The following TNFAIP1 variants were observed in gnomAD, a reference collection of about 807,000 sequenced individuals.
TNFAIP1 encodes TNF alpha induced protein 1.
Under a neutral mutation model 32.6 loss-of-function variants are expected in TNFAIP1, and 20 were observed. The ratio of observed to expected loss-of-function variants is 0.61; its 90% CI spans 0.43 to 0.89. TNFAIP1 has a LOEUF of 0.89. Ranked by LOEUF, TNFAIP1 falls within the 40% of genes least tolerant of loss-of-function variation. The pLI, the probability that TNFAIP1 is intolerant of heterozygous loss-of-function variation, is 0.00. For synonymous variants in TNFAIP1, 166 were observed against 166.8 expected (o/e 1.00, Z 0.04); for missense variants, 319 against 425.1 (o/e 0.75, Z 2.20).
chr17:28,342,450 G>A lies in TNFAIP1; in HGVS notation c.714+8G>A, dbSNP rs576440185. On this transcript the variant is annotated splice_region_variant and intron_variant, in intron 6 of 6. Transcript: ENST00000226225. This position sits in a 1 kb window ranked among gnomAD's most constrained non-coding sequence, Gnocchi z 4.0. ...GAGAAGAAGCAGACCAAGGTGTGGG[G>A]GATTGCCCCTGCCTGGGTAGGGGAG... 2 of 1,575,472 alleles carry A rather than the reference G, an allele frequency of 1.3e-6. No individual in the cohort carries two copies. The highest frequency in any genetic ancestry group is 1.7e-6 in the Non-Finnish European group (2 of 1,148,942).
intron 3 of TNFAIP1, 71 bp from the exon 4 acceptor site, chr17:28,341,166 C>T (rs1386711817): frequency 3.2e-6 from 5 of 1,554,580 alleles, no homozygotes; most frequent in East Asian, 2.2e-5. Flanking sequence ...CAGAGGGGCT[C>T]CAGAGGTATA....
intron 1 of TNFAIP1, 81 bp downstream of exon 1, chr17:28,335,937 G>C (rs1478928898): frequency 6.6e-6 from 1 of 152,200 alleles, no homozygotes; most frequent in African/African-American, 2.4e-5. Flanking sequence ...CCGGGTCCTG[G>C]GGGAAAAGGC....
At position 28,344,831 on chromosome 17, in the gene TNFAIP1, T is replaced by C. The variant is rs1486929382; in HGVS notation, c.*231T>C. 8.8e-6 allele frequency: 5 copies of C among 567,656 alleles called. No homozygotes were observed. The highest frequency in any genetic ancestry group is 1.6e-5 in the Non-Finnish European group (5 of 315,936). The allele number at this position is 567,656 out of a possible 1,614,324, so 35.2% of individuals were successfully genotyped here. A position where few individuals can be genotyped will look rare whatever the true frequency, so the allele number is the denominator to read the frequency against. ...CTGTCCTATCTGCTCACCATCACCC[T>C]TCCTGCCCGACGGAGCTGCTTCTGC... On this transcript the variant is annotated 3_prime_UTR_variant, in exon 7 of 7. Transcript: ENST00000226225.
chr17:28,342,557 C>A lies in TNFAIP1; in HGVS notation c.714+115C>A. 3 of 1,059,590 alleles carry A rather than the reference C, an allele frequency of 2.8e-6. No homozygotes were observed. Among genetic ancestry groups the A allele is most frequent in the Non-Finnish European group, 3.9e-6 (3 of 762,844 alleles). The allele number at this position is 1,059,590 out of a possible 1,614,324, so 65.6% of individuals were successfully genotyped here. ...GGGGCATGGACTTGGCTCTTTTTTCCAAACACGGTAATGGTGCTGGGCAAG... is the reference window on the plus strand; with the variant it reads ...GGGGCATGGACTTGGCTCTTTTTTCAAAACACGGTAATGGTGCTGGGCAAG... On this transcript the variant is annotated intron_variant, in intron 6 of 6. Transcript: ENST00000226225. This position sits in a 1 kb window ranked among gnomAD's most constrained non-coding sequence, Gnocchi z 4.0.
Position 28,339,535 on chromosome 17 carries a change from C to A in TNFAIP1, c.14C>A (p.Thr5Asn). The change falls in exon 2 of 7, where the codon ACC becomes AAC. Residue 5 changes from threonine (T) to asparagine (N), a missense_variant. Coordinates refer to ENST00000226225, the MANE Select transcript of TNFAIP1 (RefSeq NM_021137.5). MSGD[T>N]CLCPASGAKP... ...CTGCAGCGGGAGATGTCGGGGGACA[C>A]CTGCCTGTGCCCAGCCTCAGGGGCC... 1.2e-6 allele frequency: 2 copies of A among 1,604,140 alleles called. No homozygotes were observed. The highest frequency in any genetic ancestry group is 8.5e-7 in the Non-Finnish European group (1 of 1,174,206).
rs782676926 is a variant in TNFAIP1, at chr17:28,342,196, C to T, written c.519-51C>T. On this transcript the variant is annotated intron_variant, in intron 5 of 6. Transcript: ENST00000226225. This position sits in a 1 kb window ranked among gnomAD's most constrained non-coding sequence, Gnocchi z 4.0. The stretch of plus-strand genomic sequence containing the variant: ...AGGGCCCCACTTGTCTAGCACCCTC[C>T]CTTGGACTGGAACCTCACTCCCAGC... The T allele has an allele frequency of 3.4e-6, 5 of 1,481,806 alleles. No homozygotes were observed. The African/African-American group carries it at 7.7e-5, about 23-fold the overall frequency. The allele number at this position is 1,481,806 out of a possible 1,614,324, so 91.8% of individuals were successfully genotyped here.
In TNFAIP1 at chr17:28,340,484, T is replaced by G. The variant is rs782517628; in HGVS notation, c.375+6T>G. The G allele has an allele frequency of 2.5e-6, 4 of 1,605,156 alleles. No individual in the cohort carries two copies. In the South Asian group the frequency reaches 3.3e-5, roughly 13 times the overall value. The stretch of plus-strand genomic sequence containing the variant: ...TGTGCCAGAGTGCCCTGCAGGTACA[T>G]GGGTGGGGCGGAGCAGGGCGGGCAG... On this transcript the variant is annotated splice_donor_region_variant and intron_variant, in intron 3 of 6. Transcript: ENST00000226225. This position sits in a 1 kb window ranked among gnomAD's most constrained non-coding sequence, Gnocchi z 4.1.
At position 28,340,750 on chromosome 17, in the gene TNFAIP1, T is replaced by G. The variant is rs996800434; in HGVS notation, c.375+272T>G. On this transcript the variant is annotated intron_variant, in intron 3 of 6. Coordinates refer to ENST00000226225, the MANE Select transcript of TNFAIP1 (RefSeq NM_021137.5). This position sits in a 1 kb window ranked among gnomAD's most constrained non-coding sequence, Gnocchi z 4.1. ...GTTTTTGCTTTTGTTTCTGTTTTTG[T>G]TTTTGTTTTTTGAGACAGGGTTTCA... Among the ~76,000 whole-genome samples, 1 of 152,112 alleles carries G rather than the reference T, an allele frequency of 6.6e-6. No individual in the cohort carries two copies. The highest frequency in any genetic ancestry group is 2.4e-5 in the African/African-American group (1 of 41,428).
At chr17:28,344,253 G>A (rs1387645149) in intron 6 of TNFAIP1, 111 bp from the exon 7 acceptor site, 10 of 942,236 alleles carry the variant, frequency 1.1e-5, no homozygotes, top group Admixed American at 3.8e-5. Context: ...ACCGCCACCT[G>A]TTTTATGAGA....
At position 28,339,474 on chromosome 17, in the gene TNFAIP1, C is replaced by A. The variant is rs1555577788; in HGVS notation, c.-48C>A. 4.6e-6 allele frequency: 7 copies of A among 1,526,082 alleles called. No homozygotes were observed. In the African/African-American group the frequency reaches 6.8e-5, roughly 15 times the overall value. The allele number at this position is 1,526,082 out of a possible 1,614,324, so 94.5% of individuals were successfully genotyped here. Reference sequence around the variant, plus strand: ...CGTGACCCTTTCCACCACGGCGGAGCCTTCCAAGCCTACCTCCTGCCGTGT... The same window carrying A: ...CGTGACCCTTTCCACCACGGCGGAGACTTCCAAGCCTACCTCCTGCCGTGT... On this transcript the variant is annotated 5_prime_UTR_variant, in exon 2 of 7. Transcript: ENST00000226225.
chr17:28,338,249 G>A (rs1907242940), intron 1 of TNFAIP1, among the ~76,000 whole-genome samples: 1 of 152,216 alleles, frequency 6.6e-6, no homozygotes, highest in African/African-American at 2.4e-5. Flanking sequence ...AGGAGTACAG[G>A]CAGGTGGCAG....
rs1209219253 is a variant in TNFAIP1, at chr17:28,345,145, C to A, written c.*545C>A. ...GCCAAGACCCTACATATGACAGAAC[C>A]CTTGGCCCTTCTCCATGCCTGTGGG... On this transcript the variant is annotated 3_prime_UTR_variant, in exon 7 of 7. Transcript: ENST00000226225. The A allele has an allele frequency of 6.2e-6, 1 of 160,854 alleles. No homozygotes were observed. Among genetic ancestry groups the A allele is most frequent in the Non-Finnish European group, 1.4e-5 (1 of 72,162 alleles). The allele number at this position is 160,854 out of a possible 1,614,324, so 10.0% of individuals were successfully genotyped here.
In TNFAIP1 at chr17:28,340,536, G is replaced by C; in HGVS notation, c.375+58G>C. 6.3e-7 allele frequency: 1 copy of C among 1,584,538 alleles called. No homozygotes were observed. The highest frequency in any genetic ancestry group is 8.6e-7 in the Non-Finnish European group (1 of 1,159,146). ...TGAGGTCAGGAGTTGCCCCCTTCTT[G>C]TGGGATGGAGGACTCTGGTTCCTGG... is the stretch of plus-strand genomic sequence containing the variant. On this transcript the variant is annotated intron_variant, in intron 3 of 6. Transcript: ENST00000226225. This position sits in a 1 kb window ranked among gnomAD's most constrained non-coding sequence, Gnocchi z 4.1.
Position 28,341,239 on chromosome 17 carries a change from CAAG to C in TNFAIP1, c.382_384del (p.Lys128del), listed in dbSNP as rs782324023. 5.0e-6 allele frequency: 8 copies of C among 1,614,158 alleles called. No individual in the cohort carries two copies. The highest frequency in any genetic ancestry group is 4.5e-5 in the East Asian group (2 of 44,882). ...GTTCTCTGTTCTGTGTCGCACAGGA[CAAG>C]AAGGACTCCTACCAGCCTGTGTGCA... is the stretch of plus-strand genomic sequence containing the variant. On this transcript the variant is annotated inframe_deletion, in exon 4 of 7. Transcript: ENST00000226225.
chr17:28,344,709 A>G lies in TNFAIP1; in HGVS notation c.*109A>G. ...TGCCTGGGTCTCTGCTCTAGCACCC[A>G]GAGGCATGACAGGCCCTGCTCAGAG... On this transcript the variant is annotated 3_prime_UTR_variant, in exon 7 of 7. Coordinates refer to ENST00000226225, the MANE Select transcript of TNFAIP1 (RefSeq NM_021137.5). 8.8e-7 allele frequency: 1 copy of G among 1,141,640 alleles called. No individual in the cohort carries two copies. Among genetic ancestry groups the G allele is most frequent in the Non-Finnish European group, 1.3e-6 (1 of 786,662 alleles). The allele number at this position is 1,141,640 out of a possible 1,614,324, so 70.7% of individuals were successfully genotyped here.
intron 5 of TNFAIP1, 114 bp downstream of exon 5, chr17:28,341,570 C>A: frequency 2.5e-6 from 3 of 1,181,906 alleles, no homozygotes; most frequent in Non-Finnish European, 2.5e-6. Flanking sequence ...CTGGCTGTGC[C>A]AAGTTGGGGA....
Position 28,342,338 on chromosome 17 carries a change from AT to A in TNFAIP1, c.612del (p.Ile204MetfsTer148), listed in dbSNP as rs1907394910. ...CCGCGTGCTCTTCATCAAGGATGTCATTGGTGACGAGATCTGCTGCTGGTCC... is the reference window on the plus strand; with the variant it reads ...CCGCGTGCTCTTCATCAAGGATGTCATGGTGACGAGATCTGCTGCTGGTCC... ...NGRVLFIKDVIGDEICCWSFY... is the reference protein window; with the variant it reads ...NGRVLFIKDVXGDEICCWSFY... On this transcript the variant is annotated frameshift_variant, in exon 6 of 7. Coordinates refer to ENST00000226225, the MANE Select transcript of TNFAIP1 (RefSeq NM_021137.5). LOFTEE classifies it high-confidence loss of function. The surrounding 1 kb of genome is among the most constrained non-coding windows in gnomAD (Gnocchi z 4.0). 6.2e-7 allele frequency: 1 copy of A among 1,607,498 alleles called. No individual in the cohort carries two copies. The highest frequency in any genetic ancestry group is 8.5e-7 in the Non-Finnish European group (1 of 1,174,530).
chr17:28,337,889 C>T (rs1907232302), intron 1 of TNFAIP1, among the ~76,000 whole-genome samples: 1 of 152,170 alleles, frequency 6.6e-6, no homozygotes, highest in South Asian at 2.1e-4. Context: ...GTCCTTGTTG[C>T]TAGTCTGTTT....
In TNFAIP1 at chr17:28,341,428, A is replaced by C. The variant is rs781920351; in HGVS notation, c.490A>C (p.Arg164=). Residue 164 remains arginine, a synonymous_variant, in exon 5 of 7, where the codon AGA becomes CGA. Coordinates refer to ENST00000226225, the MANE Select transcript of TNFAIP1 (RefSeq NM_021137.5). ...TKPVVKLLYN[R]SNNKYSYTSN... ...GCCCGTGGTGAAGCTGCTGTACAAC[A>C]GAAGCAACAACAAGTATTCCTACAC... 4.2e-5 allele frequency: 68 copies of C among 1,614,076 alleles called. No homozygotes were observed. The highest frequency in any genetic ancestry group is 5.7e-5 in the Non-Finnish European group (67 of 1,180,032).
Sources: allele counts gnomAD v4.1 joint callset (sites outside exome capture counted in the v4.1 genomes callset), GRCh38; gene constraint gnomAD v4.1.1; non-coding constraint Gnocchi (gnomAD v3.1); transcripts MANE v1.5; gene names NCBI Gene and HGNC (gene_info 2026-07-23, HGNC 2026-07-21).